Variants in ANO6 observed in about 807,000 individuals in gnomAD.
ANO6 encodes the protein anoctamin-6.
In ANO6, 106 loss-of-function variants were observed where a neutral mutation model predicts 117.5. That is an observed-to-expected ratio of 0.90 (90% CI 0.77 to 1.06). The LOEUF (loss-of-function observed/expected upper bound fraction) is 1.06, where lower values mean the gene tolerates loss of function less well. Ranked by LOEUF, ANO6 falls within the 50% of genes least tolerant of loss-of-function variation. ANO6 has a pLI of 0.00. For missense variants in ANO6, 955 were observed against 1,121.1 expected, an observed-to-expected ratio of 0.85 and a Z score of 2.12; for synonymous variants, 367 against 385.1, an observed-to-expected ratio of 0.95 and a Z score of 0.55.
chr12:45,217,867 C>T (rs909197410), intron 1 of ANO6, among the ~76,000 whole-genome samples: 56 of 152,268 alleles, frequency 3.7e-4, no homozygotes, highest in African/African-American at 1.3e-3. Flanking sequence ...TGGTGAGCTG[C>T]ACTGTTTATA....
intron 1 of ANO6, among the ~76,000 whole-genome samples, chr12:45,293,738 T>TGTTTCG (rs201804691): frequency 1.5e-5 from 2 of 134,380 alleles, no homozygotes. Context: ...TGTTTTTTTT[T>TGTTTCG]TTTTTTTTTT....
At chr12:45,262,048 T>C (rs1938055564) in intron 1 of ANO6, among the ~76,000 whole-genome samples, 4 of 152,208 alleles carry the variant, frequency 2.6e-5, no homozygotes, top group Admixed American at 2.6e-4. Context: ...TTTCTATCCA[T>C]GCTGCTTGAT....
chr12:45,331,679 T>C (rs1165889795), intron 3 of ANO6, among the ~76,000 whole-genome samples: 4 of 152,130 alleles, frequency 2.6e-5, no homozygotes, highest in African/African-American at 7.2e-5. Flanking sequence ...AATTGGACTT[T>C]CTATTGTACA....
chr12:45,222,108 C>T (rs998289387), intron 1 of ANO6, among the ~76,000 whole-genome samples: 29 of 151,610 alleles, frequency 1.9e-4, no homozygotes, highest in African/African-American at 6.1e-4. Context: ...GGTCTCATCT[C>T]CTGACCTCGT....
chr12:45,301,137 A>G (rs902670246), intron 1 of ANO6, among the ~76,000 whole-genome samples: 2 of 152,240 alleles, frequency 1.3e-5, no homozygotes, highest in African/African-American at 4.8e-5. Flanking sequence ...AAAAGAGGTA[A>G]AATATTTCAT....
At position 45,380,363 on chromosome 12, in the gene ANO6, G is replaced by A. The variant is rs77353820; in HGVS notation, c.1165+2250G>A. Among the ~76,000 whole-genome samples the A allele has an allele frequency of 1.4e-4, 21 of 152,294 alleles. No individual in the cohort carries two copies. In the East Asian group the frequency reaches 4.1e-3, roughly 29 times the overall value. ...TGCAATGTTTAATTTTCACCTTTGA[G>A]GGGTGAGTTCTAAACTAGGCCTACT... is the stretch of plus-strand genomic sequence containing the variant. On this transcript the variant is annotated intron_variant, in intron 10 of 19. Coordinates refer to ENST00000320560, the MANE Select transcript of ANO6 (RefSeq NM_001025356.3).
intron 1 of ANO6, among the ~76,000 whole-genome samples, chr12:45,231,716 A>G (rs914200607): frequency 3.3e-5 from 5 of 152,198 alleles, no homozygotes; most frequent in Non-Finnish European, 7.3e-5. Context: ...TTTAAATAGT[A>G]CTTAGTGACC....
chr12:45,387,839 T>C (rs138737705), intron 10 of ANO6, among the ~76,000 whole-genome samples: 4 of 152,244 alleles, frequency 2.6e-5, no homozygotes, highest in African/African-American at 4.8e-5. Context: ...GTTCTCATGA[T>C]AGTGAGTGAG....
chr12:45,429,576 C>T lies in ANO6; in HGVS notation c.*265C>T, dbSNP rs891420416. The T allele has an allele frequency of 1.6e-6, 2 of 1,260,396 alleles. No individual in the cohort carries two copies. The highest frequency in any genetic ancestry group is 3.0e-5 in the African/African-American group (2 of 65,612). The allele number at this position is 1,260,396 out of a possible 1,614,324, so 78.1% of individuals were successfully genotyped here. ...TAAATTGGAATTTTACAGAAAAAGT[C>T]CCTCAGTGTGCTTAAAAACCACCCC... On this transcript the variant is annotated 3_prime_UTR_variant, in exon 20 of 20. Transcript: ENST00000320560.
intron 1 of ANO6, among the ~76,000 whole-genome samples, chr12:45,244,258 T>G (rs1335896457): frequency 6.6e-6 from 1 of 152,132 alleles, no homozygotes; most frequent in Non-Finnish European, 1.5e-5. Flanking sequence ...TAGGAGAGTA[T>G]CTGTTAGGTA....
At chr12:45,312,756 A>C (rs1939887280) in intron 2 of ANO6, among the ~76,000 whole-genome samples, 1 of 152,052 alleles carries the variant, frequency 6.6e-6, no homozygotes, top group South Asian at 2.1e-4. Flanking sequence ...TCACTCTTTG[A>C]AATGTAGAAT....
intron 14 of ANO6, 85 bp from the exon 15 acceptor site, chr12:45,403,354 G>C: frequency 2.0e-6 from 3 of 1,531,484 alleles, no homozygotes; most frequent in Non-Finnish European, 2.7e-6. Flanking sequence ...AGCCTAAACA[G>C]AACAAATGTC....
chr12:45,282,905 A>G (rs1016992416), intron 1 of ANO6, among the ~76,000 whole-genome samples: 1 of 152,170 alleles, frequency 6.6e-6, no homozygotes, highest in African/African-American at 2.4e-5. Flanking sequence ...TTTTCTGTAC[A>G]TGTGCTATTG....
At chr12:45,224,248 A>G (rs1397487241) in intron 1 of ANO6, among the ~76,000 whole-genome samples, 3 of 152,186 alleles carry the variant, frequency 2.0e-5, no homozygotes, top group African/African-American at 7.2e-5. Flanking sequence ...GGATGAAAAG[A>G]CAGGTGAGGG....
At chr12:45,303,830 G>A (rs1160674240) in intron 2 of ANO6, among the ~76,000 whole-genome samples, 1 of 152,192 alleles carries the variant, frequency 6.6e-6, no homozygotes, top group Non-Finnish European at 1.5e-5. Flanking sequence ...CACCCAAGCT[G>A]GAAGGAGATT....
intron 9 of ANO6, among the ~76,000 whole-genome samples, chr12:45,374,519 TTCA>T: frequency 1.2e-5 from 1 of 82,688 alleles, no homozygotes. Context: ...TCAAGTGGGC[TTCA>T]TCCCTGGGAT....
At chr12:45,257,434 G>A (rs145742082) in intron 1 of ANO6, among the ~76,000 whole-genome samples, 15 of 152,256 alleles carry the variant, frequency 9.9e-5, no homozygotes, top group African/African-American at 3.6e-4. Context: ...GAATGATTTC[G>A]GTGATTTAGT....
At chr12:45,391,444 A>G (rs1414868266) in intron 12 of ANO6, among the ~76,000 whole-genome samples, 1 of 152,248 alleles carries the variant, frequency 6.6e-6, no homozygotes, top group Non-Finnish European at 1.5e-5. Context: ...AAGAGGCATT[A>G]TAAATCCATC....
intron 1 of ANO6, among the ~76,000 whole-genome samples, chr12:45,260,304 G>A (rs1251304232): frequency 6.6e-6 from 1 of 152,168 alleles, no homozygotes; most frequent in Non-Finnish European, 1.5e-5. Flanking sequence ...GCCCAGTGAG[G>A]CACTCAAGTA....
Sources: allele counts gnomAD v4.1 joint callset (sites outside exome capture counted in the v4.1 genomes callset), GRCh38; gene constraint gnomAD v4.1.1; transcripts MANE v1.5; gene names NCBI Gene and HGNC (gene_info 2026-07-23, HGNC 2026-07-21).